ADCY2: variants seen among roughly 807,000 people sequenced by gnomAD.
The protein encoded by ADCY2 is adenylate cyclase type 2.
Under a neutral mutation model 125.2 loss-of-function variants are expected in ADCY2, and 31 were observed. The ratio of observed to expected loss-of-function variants is 0.25; its 90% confidence interval spans 0.19 to 0.33. The LOEUF (loss-of-function observed/expected upper bound fraction) is 0.33. ADCY2 is among the 10% of genes least tolerant of loss of function. The pLI, the probability that ADCY2 is intolerant of heterozygous loss-of-function variation, is 1.00. For synonymous variants in ADCY2, 512 were observed against 548.4 expected, an observed-to-expected ratio of 0.93 and a Z score of 0.93; for missense variants, 904 against 1,418.2, an observed-to-expected ratio of 0.64 and a Z score of 5.82.
rs1745544077 is a variant in ADCY2 at position 7,828,038 on chromosome 5, A to G, written c.*1167A>G. ...TAAAGAAGACACACAGCCAACGTTC[A>G]TGCATTTTTAAAGACAGAAGGCCTT... On this transcript the variant is annotated 3_prime_UTR_variant, in exon 25 of 25. Coordinates refer to ENST00000338316, the MANE Select transcript of ADCY2 (RefSeq NM_020546.3). 1 of 152,828 alleles carries G rather than the reference A, an allele frequency of 6.5e-6. No homozygotes were observed. The highest frequency in any genetic ancestry group is 1.5e-5 in the Non-Finnish European group (1 of 68,046). The allele number at this position is 152,828 out of a possible 1,614,324, so 9.5% of individuals were successfully genotyped here.
chr5:7,737,093 A>G (rs1424584917), intron 14 of ADCY2, among the ~76,000 whole-genome samples: 1 of 152,184 alleles, frequency 6.6e-6, no homozygotes, highest in Non-Finnish European at 1.5e-5. Context: ...CCTAACTATT[A>G]ATGATATTAT....
chr5:7,553,104 A>G (rs976326699), intron 3 of ADCY2, among the ~76,000 whole-genome samples: 1 of 152,208 alleles, frequency 6.6e-6, no homozygotes, highest in Non-Finnish European at 1.5e-5. Context: ...CAGATGCTTA[A>G]GCCCAAAAAC....
At chr5:7,610,990 C>T (rs922020545) in intron 3 of ADCY2, 2 of 152,164 alleles carry the variant, frequency 1.3e-5, no homozygotes, top group South Asian at 2.1e-4. Flanking sequence ...GCATCTTTCA[C>T]TGCAGTGATT....
intron 2 of ADCY2, among the ~76,000 whole-genome samples, chr5:7,494,796 G>C (rs1403510905): frequency 6.6e-6 from 1 of 152,188 alleles, no homozygotes; most frequent in African/African-American, 2.4e-5. Context: ...ATTCAACAAG[G>C]TGTTAAGAAC....
intron 1 of ADCY2, among the ~76,000 whole-genome samples, chr5:7,411,931 C>T (rs1739732411): frequency 1.3e-5 from 2 of 152,112 alleles, no homozygotes; most frequent in Admixed American, 1.3e-4. Context: ...AAAAATTGGC[C>T]GGGCGTAGTG....
At chr5:7,480,705 A>C (rs1742696946) in intron 2 of ADCY2, among the ~76,000 whole-genome samples, 2 of 151,948 alleles carry the variant, frequency 1.3e-5, no homozygotes, top group South Asian at 4.2e-4. Flanking sequence ...CCCCCATGAC[A>C]CAAGTTTACC....
chr5:7,714,782 C>T (rs1316334704), intron 11 of ADCY2, among the ~76,000 whole-genome samples: 1 of 152,220 alleles, frequency 6.6e-6, no homozygotes, highest in African/African-American at 2.4e-5. Context: ...CCAGGATGCC[C>T]AGGCACTTCC....
At chr5:7,405,818 A>G (rs1275922166) in intron 1 of ADCY2, among the ~76,000 whole-genome samples, 2 of 152,224 alleles carry the variant, frequency 1.3e-5, no homozygotes, top group African/African-American at 2.4e-5. Context: ...TAATTACTAC[A>G]GCAGTCCACC....
chr5:7,782,980 C>G (rs186777489), intron 18 of ADCY2, among the ~76,000 whole-genome samples: 1 of 152,128 alleles, frequency 6.6e-6, no homozygotes, highest in Non-Finnish European at 1.5e-5. Context: ...TTAAGTTTCA[C>G]GAGCTCAGAT....
intron 20 of ADCY2, chr5:7,801,986 C>T (rs1291022630): frequency 6.4e-6 from 3 of 471,924 alleles, no homozygotes; most frequent in Non-Finnish European, 1.1e-5. Context: ...AGAGGTTTAA[C>T]TGGCAAGGCA....
chr5:7,430,000 G>A (rs1740529596), intron 2 of ADCY2, among the ~76,000 whole-genome samples: 1 of 152,084 alleles, frequency 6.6e-6, no homozygotes, highest in Non-Finnish European at 1.5e-5. Context: ...AAGATAAAAT[G>A]ATTGATATTA....
At chr5:7,554,572 A>G (rs943354581) in intron 3 of ADCY2, among the ~76,000 whole-genome samples, 3 of 152,200 alleles carry the variant, frequency 2.0e-5, no homozygotes, top group Non-Finnish European at 4.4e-5. Context: ...TAAGCTCATG[A>G]GACTGCAGAT....
At chr5:7,755,150 C>CCGGT (rs1742950256) in intron 15 of ADCY2, among the ~76,000 whole-genome samples, 1 of 152,140 alleles carries the variant, frequency 6.6e-6, no homozygotes, top group South Asian at 2.1e-4. Flanking sequence ...TCTTCTGTTG[C>CCGGT]CGGTGATCAG....
chr5:7,786,054 A>G (rs554514817), intron 19 of ADCY2, among the ~76,000 whole-genome samples: 2 of 152,288 alleles, frequency 1.3e-5, no homozygotes, highest in South Asian at 4.1e-4. Context: ...TTTTGTCTTT[A>G]GTGTAGCAAA....
chr5:7,565,767 G>C (rs962786336), intron 3 of ADCY2, among the ~76,000 whole-genome samples: 1 of 152,156 alleles, frequency 6.6e-6, no homozygotes, highest in African/African-American at 2.4e-5. Flanking sequence ...TGGTTCTGGG[G>C]GATGGCCATA....
chr5:7,703,449 C>T (rs1485901676), intron 7 of ADCY2, among the ~76,000 whole-genome samples: 2 of 151,734 alleles, frequency 1.3e-5, no homozygotes, highest in African/African-American at 2.4e-5. Flanking sequence ...ATATAGCTAG[C>T]CAGTTTTCCC....
At chr5:7,488,269 C>G (rs1193987962) in intron 2 of ADCY2, among the ~76,000 whole-genome samples, 1 of 152,116 alleles carries the variant, frequency 6.6e-6, no homozygotes. Flanking sequence ...TGTAAGACAC[C>G]CGTTTGCTCT....
chr5:7,470,608 A>G (rs1245676595), intron 2 of ADCY2, among the ~76,000 whole-genome samples: 2 of 146,544 alleles, frequency 1.4e-5, no homozygotes, highest in East Asian at 1.9e-4. Context: ...GGCTATTTAT[A>G]TATAGTTTTA....
At chr5:7,420,187 A>G (rs1471191769) in intron 2 of ADCY2, among the ~76,000 whole-genome samples, 3 of 152,180 alleles carry the variant, frequency 2.0e-5, no homozygotes, top group African/African-American at 7.2e-5. Context: ...TACAACGCAC[A>G]GGGCAAAGAA....
Sources: gnomAD v4.1 joint callset for allele counts (sites outside exome capture counted in the v4.1 genomes callset) on GRCh38, gnomAD v4.1.1 for gene constraint, MANE v1.5 for transcripts, NCBI Gene and HGNC (gene_info 2026-07-23, HGNC 2026-07-21) for gene names.